MCC: variants seen among roughly 807,000 people sequenced by gnomAD.
MCC encodes the protein colorectal mutant cancer protein.
MCC carries 90 observed loss-of-function variants against 116.2 expected under a neutral mutation model. The observed-to-expected ratio is 0.77, with a 90% CI of 0.65 to 0.92. The LOEUF is 0.92. Among genes scored for constraint, MCC ranks in the 40% least tolerant of loss-of-function variants. The pLI, the probability that MCC is intolerant of heterozygous loss-of-function variation, is 0.00. For synonymous variants in MCC, 578 were observed against 510.5 expected (o/e 1.13, Z -1.78); for missense variants, 1,516 against 1,312.2 (o/e 1.16, Z -2.40).
chr5:113,266,567 G>A (rs976347767), intron 3 of MCC, among the ~76,000 whole-genome samples: 1 of 152,044 alleles, frequency 6.6e-6, no homozygotes, highest in Non-Finnish European at 1.5e-5. Context: ...ATGAGGTGTC[G>A]CTCTGTCACC....
intron 5 of MCC, among the ~76,000 whole-genome samples, chr5:113,136,164 T>C (rs1418373208): frequency 6.6e-6 from 1 of 152,250 alleles, no homozygotes; most frequent in East Asian, 1.9e-4. Flanking sequence ...TTACAGGCTA[T>C]AGCTGGTTAC....
At chr5:113,277,261 G>C (rs1023607011) in intron 3 of MCC, among the ~76,000 whole-genome samples, 1 of 151,386 alleles carries the variant, frequency 6.6e-6, no homozygotes, top group Non-Finnish European at 1.5e-5. Flanking sequence ...CCAGCTACTC[G>C]GGAGGCTGAG....
In MCC at chr5:113,148,075, TA is replaced by T. The variant is rs1219370608; in HGVS notation, c.741+3233del. Reference sequence around the variant, plus strand: ...CTTCTGAAGTACTTAAAAATGCAGTTAATTTAAAATAATTGTTGGTACTAAA... The same window carrying T: ...CTTCTGAAGTACTTAAAAATGCAGTTATTTAAAATAATTGTTGGTACTAAA... On this transcript the variant is annotated intron_variant, in intron 4 of 18. Coordinates refer to ENST00000408903, the MANE Select transcript of MCC (RefSeq NM_001085377.2). Among the ~76,000 whole-genome samples, 6 of 152,258 alleles carry T rather than the reference TA, an allele frequency of 3.9e-5. No individual in the cohort carries two copies. The East Asian group carries it at 1.2e-3, about 29-fold the overall frequency.
intron 11 of MCC, among the ~76,000 whole-genome samples, chr5:113,074,052 T>C (rs576641904): frequency 1.1e-4 from 17 of 152,196 alleles, no homozygotes; most frequent in Admixed American, 7.8e-4. Flanking sequence ...ACCATGCAGT[T>C]TGAGCTCTGA....
chr5:113,023,368 C>G lies in MCC; in HGVS notation c.*3934G>C, dbSNP rs1399094953. 1 of 152,216 alleles carries G rather than the reference C, an allele frequency of 6.6e-6. No homozygotes were observed. Among genetic ancestry groups the G allele is most frequent in the East Asian group, 1.9e-4 (1 of 5,202 alleles). 9.4% of individuals were successfully genotyped at this position (152,216 alleles called of 1,614,324 possible). A position where few individuals can be genotyped will look rare whatever the true frequency, so the allele number is the denominator to read the frequency against. ...ATCAAACTTGTATATCATTCCTTGT[C>G]AAATAGGCTGTTCCCACTGGATAAG... On this transcript the variant is annotated 3_prime_UTR_variant, in exon 19 of 19. Transcript: ENST00000408903.
intron 8 of MCC, among the ~76,000 whole-genome samples, chr5:113,100,158 G>A (rs1756305144): frequency 6.6e-6 from 1 of 152,138 alleles, no homozygotes. Flanking sequence ...AGATATGAGA[G>A]GTAGTAGTGC....
At chr5:113,305,423 T>C (rs1046105421) in intron 3 of MCC, among the ~76,000 whole-genome samples, 2 of 152,220 alleles carry the variant, frequency 1.3e-5, no homozygotes, top group African/African-American at 2.4e-5. Context: ...TATAAAACCA[T>C]GTTTAAAGCA....
chr5:113,362,982 T>C (rs991700090), intron 2 of MCC, among the ~76,000 whole-genome samples: 7 of 152,052 alleles, frequency 4.6e-5, no homozygotes, highest in Non-Finnish European at 8.8e-5. Flanking sequence ...CTTGCACTGC[T>C]ATTAAAAAAA....
chr5:113,477,001 G>A (rs1772250725), intron 1 of MCC, among the ~76,000 whole-genome samples: 1 of 152,212 alleles, frequency 6.6e-6, no homozygotes, highest in South Asian at 2.1e-4. Context: ...ACATGAGTTT[G>A]AATTCAGGTC....
chr5:113,324,292 C>T (rs1333915212), intron 3 of MCC, among the ~76,000 whole-genome samples: 1 of 151,988 alleles, frequency 6.6e-6, no homozygotes, highest in East Asian at 1.9e-4. Context: ...ATGCATAGTA[C>T]AAATATTTAC....
At chr5:113,092,980 G>A (rs575341943) in intron 8 of MCC, among the ~76,000 whole-genome samples, 3 of 152,230 alleles carry the variant, frequency 2.0e-5, no homozygotes, top group African/African-American at 7.2e-5. Context: ...TGCAATAGGT[G>A]GGTCACTATA....
intron 3 of MCC, among the ~76,000 whole-genome samples, chr5:113,281,271 C>A (rs1032346937): frequency 6.6e-6 from 1 of 152,192 alleles, no homozygotes; most frequent in African/African-American, 2.4e-5. Context: ...AATTGCAACT[C>A]GTACAGTAAT....
intron 1 of MCC, among the ~76,000 whole-genome samples, chr5:113,463,101 G>C (rs187217347): frequency 6.6e-6 from 1 of 152,172 alleles, no homozygotes; most frequent in Admixed American, 6.6e-5. Context: ...CAGTGCACAG[G>C]AGCTAGATAG....
rs368359554 is a variant in MCC, at chr5:113,457,899, A to G, written c.170+30346T>C. Among the ~76,000 whole-genome samples, 69 of 145,202 alleles carry G rather than the reference A, an allele frequency of 4.8e-4. No individual in the cohort carries two copies. In the East Asian group the frequency reaches 0.01, roughly 22 times the overall value. On this transcript the variant is annotated intron_variant, in intron 1 of 18. Coordinates refer to ENST00000408903, the MANE Select transcript of MCC (RefSeq NM_001085377.2). ...CCTGTGTCTAGCTCAGGGTTTGTGA[A>G]TGCACCAATCGACACTCTGTATCTA...
chr5:113,064,884 A>G (rs756908775), intron 13 of MCC, among the ~76,000 whole-genome samples: 15 of 152,156 alleles, frequency 9.9e-5, no homozygotes, highest in Non-Finnish European at 2.2e-4. Flanking sequence ...AAAAGACAGA[A>G]CTATAGAGAT....
chr5:113,246,740 T>G (rs1415221411), intron 3 of MCC, among the ~76,000 whole-genome samples: 1 of 152,248 alleles, frequency 6.6e-6, no homozygotes, highest in African/African-American at 2.4e-5. Context: ...TTTTATTGTC[T>G]TCCTGAAGTT....
intron 6 of MCC, among the ~76,000 whole-genome samples, chr5:113,105,561 A>G (rs1756681333): frequency 6.6e-6 from 1 of 152,072 alleles, no homozygotes; most frequent in Non-Finnish European, 1.5e-5. Context: ...ACCCCTATCC[A>G]CCCAGTTACT....
rs1414137937 is a variant in MCC, at chr5:113,071,185, C to T, written c.1834G>A (p.Glu612Lys). The T allele has an allele frequency of 6.2e-7, 1 of 1,614,164 alleles. No homozygotes were observed. Among genetic ancestry groups the T allele is most frequent in the Non-Finnish European group, 8.5e-7 (1 of 1,180,016 alleles). Residue 612 changes from glutamate (E) to lysine (K), a missense_variant, in exon 12 of 19, where the codon GAG becomes AAG. Physicochemically the swap from Glu to Lys is moderately conservative, Grantham distance 56 (BLOSUM62 1). Coordinates refer to ENST00000408903, the MANE Select transcript of MCC (RefSeq NM_001085377.2). ...SQNDLLTITL[E>K]ECKSNAERMS... ...CTCTCGGCATTGCTTTTACATTCCT[C>T]CAAGGTTATGGTCAGGAGGTCATTT...
At chr5:113,457,521 G>C (rs1278517103) in intron 1 of MCC, among the ~76,000 whole-genome samples, 1 of 152,246 alleles carries the variant, frequency 6.6e-6, no homozygotes, top group Non-Finnish European at 1.5e-5. Flanking sequence ...CAAGCGCTGA[G>C]GAGTGCGAGC....
Sources: gnomAD v4.1 joint callset for allele counts (sites outside exome capture counted in the v4.1 genomes callset) on GRCh38, gnomAD v4.1.1 for gene constraint, MANE v1.5 for transcripts, NCBI Gene and HGNC (gene_info 2026-07-23, HGNC 2026-07-21) for gene names.